The following PTPRO variants were observed in gnomAD, a reference collection of about 807,000 sequenced individuals.
PTPRO encodes the protein receptor-type tyrosine-protein phosphatase O.
In PTPRO, 62 loss-of-function variants were observed where a neutral mutation model predicts 145.2. The ratio of observed to expected loss-of-function variants is 0.43; its 90% CI spans 0.35 to 0.53. The LOEUF (loss-of-function observed/expected upper bound fraction) is 0.53. Among genes scored for constraint, PTPRO ranks in the 20% least tolerant of loss-of-function variants. The probability of loss-of-function intolerance (pLI) is 0.01; values close to 1 mark genes in which losing one functional copy is unlikely to be tolerated. For synonymous variants in PTPRO, 565 were observed against 514.7 expected (o/e 1.10, Z -1.32); for missense variants, 1,345 against 1,482.7 (o/e 0.91, Z 1.53).
At chr12:15,495,489 C>T (rs1327112935) in intron 2 of PTPRO, among the ~76,000 whole-genome samples, 3 of 151,462 alleles carry the variant, frequency 2.0e-5, no homozygotes, top group Non-Finnish European at 2.9e-5. Context: ...AAACTAAGGA[C>T]ATTTCTTTAG....
rs547332760 is a variant in PTPRO at position 15,322,865 on chromosome 12, C to G, written c.75+64C>G. On this transcript the variant is annotated intron_variant, in intron 1 of 26. Transcript: ENST00000281171. This position sits in a 1 kb window ranked among gnomAD's most constrained non-coding sequence, Gnocchi z 6.3. ...GGCGGCAGCCGCGCTCCGGCGCCCT[C>G]GCTCTGCCGTTGGGAGCGGCGCGCC... is the stretch of plus-strand genomic sequence containing the variant. 1.9e-6 allele frequency: 3 copies of G among 1,539,162 alleles called. No individual in the cohort carries two copies. Among genetic ancestry groups the G allele is most frequent in the South Asian group, 1.2e-5 (1 of 85,902 alleles).
At chr12:15,495,838 A>AT (rs1186732046) in intron 2 of PTPRO, among the ~76,000 whole-genome samples, 2 of 152,046 alleles carry the variant, frequency 1.3e-5, no homozygotes, top group Admixed American at 1.3e-4. Context: ...TACATTTAAC[A>AT]TTTTTTTACA....
intron 1 of PTPRO, among the ~76,000 whole-genome samples, chr12:15,404,581 C>A (rs1939596108): frequency 6.6e-6 from 1 of 151,924 alleles, no homozygotes; most frequent in Non-Finnish European, 1.5e-5. Flanking sequence ...CTTTGGGTAC[C>A]CAATGCTCTC....
At chr12:15,421,446 T>G (rs574139614) in intron 1 of PTPRO, among the ~76,000 whole-genome samples, 2 of 152,190 alleles carry the variant, frequency 1.3e-5, no homozygotes, top group South Asian at 4.2e-4. Flanking sequence ...CATAACAAAA[T>G]AAGACATTAA....
intron 1 of PTPRO, among the ~76,000 whole-genome samples, chr12:15,368,647 G>C (rs1027646662): frequency 7.9e-5 from 12 of 152,120 alleles, no homozygotes; most frequent in Non-Finnish European, 2.9e-5. Context: ...TAAATATGAA[G>C]TTTATTCATG....
intron 1 of PTPRO, among the ~76,000 whole-genome samples, chr12:15,465,079 A>G (rs981630571): frequency 1.3e-5 from 2 of 152,248 alleles, no homozygotes; most frequent in Non-Finnish European, 2.9e-5. Context: ...ACCAAATAGC[A>G]CAGCATGATT....
intron 1 of PTPRO, chr12:15,337,430 C>T (rs953661223): frequency 2.6e-5 from 4 of 152,174 alleles, no homozygotes; most frequent in African/African-American, 9.7e-5. Context: ...AGACGCAAAT[C>T]AGCCTGTTCT....
At chr12:15,421,201 C>G (rs984307261) in intron 1 of PTPRO, among the ~76,000 whole-genome samples, 1 of 152,124 alleles carries the variant, frequency 6.6e-6, no homozygotes, top group Non-Finnish European at 1.5e-5. Context: ...CTTTTACATC[C>G]CTATCTTGCA....
chr12:15,438,086 A>G (rs756577612), intron 1 of PTPRO, among the ~76,000 whole-genome samples: 65 of 152,326 alleles, frequency 4.3e-4, no homozygotes, highest in Non-Finnish European at 8.1e-4. Flanking sequence ...AAAGAAGTGC[A>G]TACTGCTATA....
intron 1 of PTPRO, among the ~76,000 whole-genome samples, chr12:15,412,613 T>C (rs558784307): frequency 3.9e-4 from 59 of 152,372 alleles, no homozygotes; most frequent in African/African-American, 1.4e-3. Flanking sequence ...TAACATTTTA[T>C]TTTGTATCTT....
In PTPRO at chr12:15,524,892, C is replaced by A. The variant is rs531800447; in HGVS notation, c.1970C>A (p.Thr657Lys). 2.5e-6 allele frequency: 4 copies of A among 1,613,694 alleles called. No homozygotes were observed. Among genetic ancestry groups the A allele is most frequent in the African/African-American group, 1.3e-5 (1 of 75,016 alleles). Residue 657 changes from threonine to lysine, a missense_variant, in exon 11 of 27, where the codon ACA (threonine) becomes AAA (lysine). Thr to Lys is a moderately conservative substitution (Grantham distance 78). Coordinates refer to ENST00000281171, the MANE Select transcript of PTPRO (RefSeq NM_030667.3). The part of the protein sequence containing the change: ...LYISWTYGDD[T>K]TDLSHSRMLH... Reference sequence around the variant, plus strand: ...ATCAGTTGGACATATGGGGATGATACAACGGACTTGTCCCATTCTAGAATG... The same window carrying A: ...ATCAGTTGGACATATGGGGATGATAAAACGGACTTGTCCCATTCTAGAATG...
At chr12:15,338,905 G>A (rs546038012) in intron 1 of PTPRO, among the ~76,000 whole-genome samples, 128 of 152,224 alleles carry the variant, frequency 8.4e-4, no homozygotes, top group Admixed American at 2.0e-3. Context: ...AAACATGTAA[G>A]GAAGGCACTG....
intron 25 of PTPRO, among the ~76,000 whole-genome samples, chr12:15,590,778 G>A (rs1437267216): frequency 6.6e-6 from 1 of 152,140 alleles, no homozygotes; most frequent in African/African-American, 2.4e-5. Flanking sequence ...TCCTCACTTG[G>A]TTTCAATCAT....
chr12:15,376,468 C>A (rs1247010003), intron 1 of PTPRO, among the ~76,000 whole-genome samples: 1 of 152,114 alleles, frequency 6.6e-6, no homozygotes, highest in Non-Finnish European at 1.5e-5. Flanking sequence ...GATTTTCAAA[C>A]TGAAATGAAA....
At chr12:15,365,195 T>C (rs1411031379) in intron 1 of PTPRO, among the ~76,000 whole-genome samples, 2 of 152,176 alleles carry the variant, frequency 1.3e-5, no homozygotes, top group East Asian at 1.9e-4. Flanking sequence ...TTAGGAACCC[T>C]ACATTCTGGG....
rs184109798 is a variant in PTPRO at position 15,484,270 on chromosome 12, T to C, written c.349+23T>C. ...CAAGTAAGCATCATGTGTAATATTGTCCCGTTTCTTCTTATTGTTCCCCTG... is the reference window on the plus strand; with the variant it reads ...CAAGTAAGCATCATGTGTAATATTGCCCCGTTTCTTCTTATTGTTCCCCTG... On this transcript the variant is annotated intron_variant, in intron 2 of 26. Transcript: ENST00000281171. 242 of 1,612,334 alleles carry C rather than the reference T, an allele frequency of 1.5e-4. 3 individuals carry two copies. The highest frequency in any genetic ancestry group is 1.4e-3 in the Admixed American group (82 of 59,862).
chr12:15,390,394 G>A (rs1055405956), intron 1 of PTPRO, among the ~76,000 whole-genome samples: 7 of 152,142 alleles, frequency 4.6e-5, no homozygotes, highest in African/African-American at 1.7e-4. Flanking sequence ...AAGGTGAAAG[G>A]CACATCTCAA....
In PTPRO at chr12:15,329,654, A is replaced by G. The variant is rs555886802; in HGVS notation, c.75+6853A>G. On this transcript the variant is annotated intron_variant, in intron 1 of 26. Coordinates refer to ENST00000281171, the MANE Select transcript of PTPRO (RefSeq NM_030667.3). ...CATTTAGTTAATCAAACATCCATTA[A>G]GCATCTAATATGTGCCAGGAATTTT... Among the ~76,000 whole-genome samples, 14 of 152,316 alleles carry G rather than the reference A, an allele frequency of 9.2e-5. No homozygotes were observed. The South Asian group carries it at 2.9e-3, about 32-fold the overall frequency.
At position 15,580,674 on chromosome 12, in the gene PTPRO, T is replaced by C. The variant is rs190031138; in HGVS notation, c.2998-23T>C. 2.9e-5 allele frequency: 47 copies of C among 1,614,048 alleles called. No homozygotes were observed. The Admixed American group carries it at 7.5e-4, about 26-fold the overall frequency. On this transcript the variant is annotated intron_variant, in intron 21 of 26. Coordinates refer to ENST00000281171, the MANE Select transcript of PTPRO (RefSeq NM_030667.3). ...GTGTTGACAGTGTCTGGTTAGGTGATAATTTTGTCACTTATCTTTCAGGGA... is the reference window on the plus strand; with the variant it reads ...GTGTTGACAGTGTCTGGTTAGGTGACAATTTTGTCACTTATCTTTCAGGGA...
Sources: gnomAD v4.1 joint callset for allele counts (sites outside exome capture counted in the v4.1 genomes callset) on GRCh38, gnomAD v4.1.1 for gene constraint, Gnocchi (gnomAD v3.1) non-coding constraint, MANE v1.5 for transcripts, NCBI Gene and HGNC (gene_info 2026-07-23, HGNC 2026-07-21) for gene names.